The following ROBO4 variants were observed in gnomAD, a reference collection of about 807,000 sequenced individuals.
The protein encoded by ROBO4 is roundabout guidance receptor 4, also known as roundabout homolog 4.
A neutral mutation model predicts 103.3 loss-of-function variants in ROBO4; 80 were observed. The ratio of observed to expected loss-of-function variants is 0.77; its 90% CI spans 0.65 to 0.93. The LOEUF (loss-of-function observed/expected upper bound fraction) is 0.93, where lower values mean the gene tolerates loss of function less well. Ranked by LOEUF, ROBO4 falls within the 40% of genes least tolerant of loss-of-function variation. The pLI is 0.00. For missense variants in ROBO4, 1,333 were observed against 1,305.3 expected, an observed-to-expected ratio of 1.02 and a Z score of -0.33; for synonymous variants, 504 against 529.7, an observed-to-expected ratio of 0.95 and a Z score of 0.67.
At position 124,897,086 on chromosome 11, in the gene ROBO4, G is replaced by A. The variant is rs576141381; in HGVS notation, c.246C>T (p.Leu82=). 55 of 1,608,888 alleles carry A rather than the reference G, an allele frequency of 3.4e-5. No individual in the cohort carries two copies. Among genetic ancestry groups the A allele is most frequent in the Non-Finnish European group, 4.6e-5 (54 of 1,177,012 alleles). The change falls in exon 2 of 18, where the codon CTC becomes CTT. Residue 82 remains leucine (L), a synonymous_variant. Transcript: ENST00000306534. ...LSMVPPDPHH[L]LPDGTLLLLQ... is the part of the protein sequence containing the mutation. ...GCAGCAGAAGGGTCCCATCAGGCAGGAGGTGGTGTGGGTCTGGGGGCACCA... is the reference window on the plus strand; with the variant it reads ...GCAGCAGAAGGGTCCCATCAGGCAGAAGGTGGTGTGGGTCTGGGGGCACCA...
chr11:124,894,806 A>G (rs1404835278), intron 7 of ROBO4, among the ~76,000 whole-genome samples: 1 of 152,020 alleles, frequency 6.6e-6, no homozygotes, highest in Non-Finnish European at 1.5e-5. Context: ...GGTTTGATCT[A>G]CTCTGTTTCT....
chr11:124,885,534 C>A (rs1946698192), intron 16 of ROBO4, among the ~76,000 whole-genome samples: 1 of 152,056 alleles, frequency 6.6e-6, no homozygotes, highest in Non-Finnish European at 1.5e-5. Flanking sequence ...CCATCATGGG[C>A]ACTTCTGTCC....
rs763056946 is a variant in ROBO4 at position 124,896,281 on chromosome 11, T to C, written c.596A>G (p.Lys199Arg). Residue 199 changes from lysine (K) to arginine (R), a missense_variant, in exon 4 of 18, where the codon AAG (lysine) becomes AGG (arginine). Physicochemically the swap from Lys to Arg is conservative, Grantham distance 26. Coordinates refer to ENST00000306534, the MANE Select transcript of ROBO4 (RefSeq NM_019055.6). The part of the protein sequence containing the change: ...GGSLLMARAE[K>R]SDEGTYMCVA... ...ACACATGTAGGTCCCTTCGTCACTC[T>C]TCTCTGCTCTTGCCATCAGCAGGGA... 1 of 1,614,146 alleles carries C rather than the reference T, an allele frequency of 6.2e-7. No individual in the cohort carries two copies. The highest frequency in any genetic ancestry group is 2.2e-5 in the East Asian group (1 of 44,866).
rs1042540036 is a variant in ROBO4 at position 124,883,758 on chromosome 11, C to G, written c.*1133G>C. On this transcript the variant is annotated 3_prime_UTR_variant, in exon 18 of 18. Transcript: ENST00000306534. ...TCTCCTGACCTCATGATCTGCCTAC[C>G]TCCGCCTCCCAAAGTGCTGGGATTA... The G allele has an allele frequency of 1.1e-4, 17 of 151,658 alleles. No individual in the cohort carries two copies. The highest frequency in any genetic ancestry group is 4.1e-4 in the African/African-American group (17 of 41,226). 9.4% of individuals were successfully genotyped at this position (151,658 alleles called of 1,614,324 possible). A position where few individuals can be genotyped will look rare whatever the true frequency, so the allele number is the denominator to read the frequency against.
rs1348204032 is a variant in ROBO4 at position 124,891,452 on chromosome 11, G to A, written c.1795C>T (p.Pro599Ser). The change falls in exon 12 of 18, where the codon CCC becomes TCC. Residue 599 changes from proline to serine, a missense_variant. Transcript: ENST00000306534. ...LPSSTPARPS[P>S]QVPAVRRLPP... Reference sequence around the variant, plus strand: ...AGGCGCCTGACAGCTGGGACCTGGGGACTTGGCCTGGCTGGGGTACTGGAG... The same window carrying A: ...AGGCGCCTGACAGCTGGGACCTGGGAACTTGGCCTGGCTGGGGTACTGGAG... 4 of 1,606,274 alleles carry A rather than the reference G, an allele frequency of 2.5e-6. No homozygotes were observed. The South Asian group carries it at 3.3e-5, about 13-fold the overall frequency.
chr11:124,887,241 C>G (rs375766082), intron 14 of ROBO4, 28 bp from the exon 15 acceptor site: 1 of 1,585,772 alleles, frequency 6.3e-7, no homozygotes, highest in Admixed American at 1.7e-5. Flanking sequence ...GTGATGGCAC[C>G]GTAGTTACTA....
intron 17 of ROBO4, 44 bp from the exon 18 acceptor site, chr11:124,884,957 C>G (rs1490984278): frequency 2.5e-6 from 4 of 1,614,012 alleles, no homozygotes; most frequent in Non-Finnish European, 3.4e-6. Context: ...TATCTCCCTT[C>G]CCCAGTGCCA....
intron 6 of ROBO4, 112 bp downstream of exon 6, chr11:124,895,345 A>G: frequency 8.2e-7 from 1 of 1,212,326 alleles, no homozygotes; most frequent in Non-Finnish European, 1.2e-6. Context: ...AGGGAGTCCC[A>G]GGGTAGGACC....
rs73016370 is a variant in ROBO4, at chr11:124,897,229, G to A, written c.103C>T (p.Leu35=). Residue 35 remains leucine, a synonymous_variant, in exon 2 of 18, where the codon CTA becomes TTA. Transcript: ENST00000306534. ...AACAGCTGGTCCTGGGGGTGGACTA[G>A]GATCTGGGGCGGGGAGTCCTGAGCC... ...GMAQDSPPQI[L]VHPQDQLFQG... is the part of the protein sequence containing the mutation. 0.11 allele frequency: 159,813 copies of A among 1,466,240 alleles called. 9,621 individuals carry two copies. The highest frequency in any genetic ancestry group is 0.22 in the East Asian group (9,242 of 41,282). 90.8% of individuals were successfully genotyped at this position (1,466,240 alleles called of 1,614,324 possible).
chr11:124,893,177 C>T (rs1946825541), intron 10 of ROBO4, among the ~76,000 whole-genome samples: 1 of 152,222 alleles, frequency 6.6e-6, no homozygotes, highest in Non-Finnish European at 1.5e-5. Flanking sequence ...CTTGTTCTGG[C>T]AGCCGAATAT....
chr11:124,887,662 G>T, intron 13 of ROBO4, 71 bp downstream of exon 13: 1 of 1,552,478 alleles, frequency 6.4e-7, no homozygotes, highest in East Asian at 2.3e-5. Context: ...GGAGGGCCCT[G>T]GGCTGGTAAG....
In ROBO4 at chr11:124,884,631, G is replaced by A. The variant is rs1132958; in HGVS notation, c.*260C>T. On this transcript the variant is annotated 3_prime_UTR_variant, in exon 18 of 18. Coordinates refer to ENST00000306534, the MANE Select transcript of ROBO4 (RefSeq NM_019055.6). The stretch of plus-strand genomic sequence containing the variant: ...GCCAAAACAACCTGGTGGTGGGAGT[G>A]GATGGCACAGAGGAGAAAGCAGTGG... The A allele has an allele frequency of 3.5e-6, 2 of 571,160 alleles. No individual in the cohort carries two copies. The highest frequency in any genetic ancestry group is 6.1e-5 in the Admixed American group (2 of 32,616). 35.4% of individuals were successfully genotyped at this position (571,160 alleles called of 1,614,324 possible). A position where few individuals can be genotyped will look rare whatever the true frequency, so the allele number is the denominator to read the frequency against.
In ROBO4 at chr11:124,887,021, C is replaced by T. The variant is rs1239015529; in HGVS notation, c.2391G>A (p.Glu797=). ...EDQDSVLTPE[E]VALCLELSEG... is the part of the protein sequence containing the mutation. Reference sequence around the variant, plus strand: ...CACTGAGTTCCAAGCACAGGGCTACCTCCTCAGGGGTCAGCACGCTGTCTT... The same window carrying T: ...CACTGAGTTCCAAGCACAGGGCTACTTCCTCAGGGGTCAGCACGCTGTCTT... Residue 797 remains glutamate (E), a synonymous_variant, in exon 15 of 18, where the codon GAG becomes GAA. Transcript: ENST00000306534. 1 of 1,613,866 alleles carries T rather than the reference C, an allele frequency of 6.2e-7. No individual in the cohort carries two copies. Among genetic ancestry groups the T allele is most frequent in the Admixed American group, 1.7e-5 (1 of 60,004 alleles).
chr11:124,891,671 C>T lies in ROBO4; in HGVS notation c.1679G>A (p.Arg560His), dbSNP rs986434452. 25 of 1,614,052 alleles carry T rather than the reference C, an allele frequency of 1.5e-5. No individual in the cohort carries two copies. The highest frequency in any genetic ancestry group is 3.3e-5 in the South Asian group (3 of 91,092). ...ADARDPLDCRRSLLSWDSRSP... is the reference protein window; with the variant it reads ...ADARDPLDCRHSLLSWDSRSP... ...CCCCCACTGAGCATGCTCACAGGAG[C>T]GACGACAGTCTAGTGGGTCCCGGGC... Residue 560 changes from arginine (R) to histidine (H), a missense_variant, in exon 11 of 18, where the codon CGC (arginine) becomes CAC (histidine). Physicochemically the swap from Arg to His is conservative, Grantham distance 29 (BLOSUM62 0). Transcript: ENST00000306534.
rs1946843737 is a variant in ROBO4 at position 124,894,182 on chromosome 11, C to T, written c.1318+19G>A. On this transcript the variant is annotated intron_variant, in intron 8 of 17. Transcript: ENST00000306534. The stretch of plus-strand genomic sequence containing the variant: ...ATGCAGGCTGAAGGGTAGGGTGGGT[C>T]TGTGGGCACTGCCCTCACCTAAAAG... 1.3e-6 allele frequency: 2 copies of T among 1,598,438 alleles called. No homozygotes were observed. The highest frequency in any genetic ancestry group is 1.1e-5 in the South Asian group (1 of 89,526).
In ROBO4 at chr11:124,895,131, A is replaced by C; in HGVS notation, c.1099T>G (p.Trp367Gly). 1 of 1,614,170 alleles carries C rather than the reference A, an allele frequency of 6.2e-7. No homozygotes were observed. The highest frequency in any genetic ancestry group is 8.5e-7 in the Non-Finnish European group (1 of 1,180,026). ...TGGTTTTCAGCAGGTGGTGGGACCC[A>C]GCTCACAAAGACAGTGCCATTGCCA... ...KPGNGTVFVS[W>G]VPPPAENHNG... The change falls in exon 7 of 18, where the codon TGG becomes GGG. Residue 367 changes from tryptophan to glycine, a missense_variant. Coordinates refer to ENST00000306534, the MANE Select transcript of ROBO4 (RefSeq NM_019055.6).
chr11:124,894,202 TA>T lies in ROBO4; in HGVS notation c.1316del (p.Leu439Ter), dbSNP rs1200952469. 1 of 1,609,592 alleles carries T rather than the reference TA, an allele frequency of 6.2e-7. No homozygotes were observed. Among genetic ancestry groups the T allele is most frequent in the South Asian group, 1.1e-5 (1 of 90,700 alleles). On this transcript the variant is annotated frameshift_variant and splice_region_variant, in exon 8 of 18. Coordinates refer to ENST00000306534, the MANE Select transcript of ROBO4 (RefSeq NM_019055.6). LOFTEE classifies it high-confidence loss of function. ...TGGGTCTGTGGGCACTGCCCTCACC[TA>T]AAAGGAGGCAGACAGGTCTACTGGG... is the stretch of plus-strand genomic sequence containing the variant. ...GEPSRPVCLL[L>X]EQAMERATQE... is the part of the protein sequence containing the mutation.
rs1379903296 is a variant in ROBO4 at position 124,896,277 on chromosome 11, ACTCTT to A, written c.595_599del (p.Lys199Ter). 1.2e-6 allele frequency: 2 copies of A among 1,613,000 alleles called. No homozygotes were observed. Among genetic ancestry groups the A allele is most frequent in the Admixed American group, 3.3e-5 (2 of 59,934 alleles). On this transcript the variant is annotated frameshift_variant, in exon 4 of 18. Transcript: ENST00000306534. LOFTEE classifies it high-confidence loss of function. ...CCACACACATGTAGGTCCCTTCGTC[ACTCTT>A]CTCTGCTCTTGCCATCAGCAGGGAC...
intron 2 of ROBO4, 41 bp downstream of exon 2, chr11:124,896,891 C>A (rs1946901972): frequency 2.5e-6 from 4 of 1,589,428 alleles, no homozygotes; most frequent in Admixed American, 1.8e-5. Context: ...ATGTCTCCAC[C>A]CAGGTTTGCC....
Sources: allele counts gnomAD v4.1 joint callset (sites outside exome capture counted in the v4.1 genomes callset), GRCh38; gene constraint gnomAD v4.1.1; transcripts MANE v1.5; gene names NCBI Gene and HGNC (gene_info 2026-07-23, HGNC 2026-07-21).